The following HSF2BP variants were observed in gnomAD, a reference collection of about 807,000 sequenced individuals.
The protein encoded by HSF2BP is heat shock factor 2-binding protein.
Under a neutral mutation model 35.0 loss-of-function variants are expected in HSF2BP, and 35 were observed. The ratio of observed to expected loss-of-function variants is 1.00; its 90% confidence interval spans 0.76 to 1.32. The LOEUF (loss-of-function observed/expected upper bound fraction) is 1.32, where lower values mean the gene tolerates loss of function less well. Ranked by LOEUF, HSF2BP falls within the 40% of genes most tolerant of loss-of-function variation. The pLI is 0.00. For synonymous variants in HSF2BP, 114 were observed against 117.4 expected, an observed-to-expected ratio of 0.97 and a Z score of 0.18; for missense variants, 326 against 321.7, an observed-to-expected ratio of 1.01 and a Z score of -0.10.
intron 6 of HSF2BP, among the ~76,000 whole-genome samples, chr21:43,619,957 C>T (rs2082313169): frequency 6.6e-6 from 1 of 152,218 alleles, no homozygotes; most frequent in Non-Finnish European, 1.5e-5. Flanking sequence ...CTCTTTGTGA[C>T]CTCCCCCATT....
intron 7 of HSF2BP, among the ~76,000 whole-genome samples, chr21:43,610,435 CA>C (rs11382971): frequency 1.5e-3 from 217 of 140,418 alleles, no homozygotes; most frequent in South Asian, 1.8e-3. Context: ...CAAAAAATAC[CA>C]AAAAAAAAAA....
At chr21:43,641,404 T>A (rs1265028911) in intron 4 of HSF2BP, among the ~76,000 whole-genome samples, 1 of 152,026 alleles carries the variant, frequency 6.6e-6, no homozygotes, top group East Asian at 1.9e-4. Context: ...CCTCCTCACA[T>A]CATAAGCAGG....
At chr21:43,636,623 C>T (rs1010450408) in intron 4 of HSF2BP, among the ~76,000 whole-genome samples, 1 of 151,920 alleles carries the variant, frequency 6.6e-6, no homozygotes, top group African/African-American at 2.4e-5. Context: ...TAAATGTGTC[C>T]GGGCGCGATG....
In HSF2BP at chr21:43,630,342, G is replaced by A; in HGVS notation, c.554C>T (p.Ala185Val). 1 of 1,612,318 alleles carries A rather than the reference G, an allele frequency of 6.2e-7. No individual in the cohort carries two copies. Reference sequence around the variant, plus strand: ...CTTACTCGTGACAATTCCAGCCAGAGCGAAAACAAACTGACTTTCATCCGA... The same window carrying A: ...CTTACTCGTGACAATTCCAGCCAGAACGAAAACAAACTGACTTTCATCCGA... The part of the protein sequence containing the change: ...LDSDESQFVF[A>V]LAGIVTNVAA... The change falls in exon 6 of 9, where the codon GCT (alanine) becomes GTT (valine). Residue 185 changes from alanine to valine, a missense_variant. Ala to Val is a moderately conservative substitution (Grantham distance 64). Coordinates refer to ENST00000291560, the MANE Select transcript of HSF2BP (RefSeq NM_007031.2).
chr21:43,629,886 A>C (rs954528878), intron 6 of HSF2BP, among the ~76,000 whole-genome samples: 2 of 152,214 alleles, frequency 1.3e-5, no homozygotes, highest in African/African-American at 4.8e-5. Context: ...CTGTGGAAAA[A>C]ATGCTATCAA....
intron 3 of HSF2BP, among the ~76,000 whole-genome samples, chr21:43,646,733 T>C (rs1019459417): frequency 2.0e-5 from 3 of 152,188 alleles, no homozygotes; most frequent in Non-Finnish European, 4.4e-5. Flanking sequence ...CACTCTACGA[T>C]AGGCAATCTC....
intron 7 of HSF2BP, among the ~76,000 whole-genome samples, chr21:43,606,208 G>A (rs1170545853): frequency 1.3e-5 from 2 of 152,230 alleles, no homozygotes; most frequent in African/African-American, 4.8e-5. Context: ...GCTGAGAAAG[G>A]ACATAGAAGA....
At chr21:43,604,844 TCA>T (rs1462469167) in intron 7 of HSF2BP, among the ~76,000 whole-genome samples, 12 of 67,928 alleles carry the variant, frequency 1.8e-4, no homozygotes, top group African/African-American at 6.0e-4. Flanking sequence ...ACACCACACA[TCA>T]CACACACCAC....
intron 6 of HSF2BP, among the ~76,000 whole-genome samples, chr21:43,629,968 CTTATT>C (rs1453313517): frequency 6.6e-6 from 1 of 152,152 alleles, no homozygotes; most frequent in African/African-American, 2.4e-5. Flanking sequence ...TTCATTGTTC[CTTATT>C]TTAAGAAATT....
intron 7 of HSF2BP, among the ~76,000 whole-genome samples, chr21:43,605,872 ATCC>A (rs1198141139): frequency 1.4e-5 from 2 of 147,902 alleles, no homozygotes; most frequent in Non-Finnish European, 3.0e-5. Flanking sequence ...ACCCAAATAC[ATCC>A]TCATTTCCCC....
rs564547818 is a variant in HSF2BP at position 43,616,413 on chromosome 21, G to A, written c.575-2466C>T. Among the ~76,000 whole-genome samples, 95 of 152,298 alleles carry A rather than the reference G, an allele frequency of 6.2e-4. 1 individual carries two copies. Among genetic ancestry groups the A allele is most frequent in the African/African-American group, 2.1e-3 (87 of 41,554 alleles). On this transcript the variant is annotated intron_variant, in intron 6 of 8. Transcript: ENST00000291560. Reference sequence around the variant, plus strand: ...AATCCCAGCACTTTGGAAGGCCAAGGTGGGTGAATCACCTGAGGTCAGGAG... The same window carrying A: ...AATCCCAGCACTTTGGAAGGCCAAGATGGGTGAATCACCTGAGGTCAGGAG...
At chr21:43,579,410 C>T (rs1159714947) in intron 8 of HSF2BP, among the ~76,000 whole-genome samples, 1 of 152,192 alleles carries the variant, frequency 6.6e-6, no homozygotes, top group Admixed American at 6.5e-5. Flanking sequence ...TACTTTGATG[C>T]CACAGATGCC....
At chr21:43,625,043 C>G (rs971563277) in intron 6 of HSF2BP, among the ~76,000 whole-genome samples, 1 of 152,150 alleles carries the variant, frequency 6.6e-6, no homozygotes, top group African/African-American at 2.4e-5. Flanking sequence ...CTACACTAAC[C>G]TATCATTAAA....
At chr21:43,609,295 A>C (rs2082173413) in intron 7 of HSF2BP, among the ~76,000 whole-genome samples, 1 of 152,180 alleles carries the variant, frequency 6.6e-6, no homozygotes. Flanking sequence ...AGAGGGAGGG[A>C]GAGGAACAAG....
chr21:43,644,309 C>A lies in HSF2BP; in HGVS notation c.271G>T (p.Asp91Tyr). ...GGTACCTTCTTCTCTCTTATGTTGT[C>A]GGCCTGCACGGTTTCCAGGCGGGCT... ...FKARLETVQADNIREKKEKLA... is the reference protein window; with the variant it reads ...FKARLETVQAYNIREKKEKLA... The change falls in exon 4 of 9, where the codon GAC (aspartate) becomes TAC (tyrosine). Residue 91 changes from aspartate to tyrosine, a missense_variant. By Grantham distance (160) the Asp-to-Tyr change is radical. Coordinates refer to ENST00000291560, the MANE Select transcript of HSF2BP (RefSeq NM_007031.2). The A allele has an allele frequency of 6.2e-7, 1 of 1,613,868 alleles. No individual in the cohort carries two copies.
At chr21:43,595,648 A>C (rs185859857) in intron 7 of HSF2BP, among the ~76,000 whole-genome samples, 3 of 149,744 alleles carry the variant, frequency 2.0e-5, no homozygotes, top group Non-Finnish European at 3.0e-5. Flanking sequence ...ACAGAGCAAG[A>C]CCCTATCTCA....
intron 7 of HSF2BP, among the ~76,000 whole-genome samples, chr21:43,608,813 A>T (rs529948160): frequency 0.011 from 1,646 of 151,834 alleles, 16 homozygotes; most frequent in Non-Finnish European, 0.015. Flanking sequence ...AAAAAAAAAA[A>T]TTTTTTTTAA....
intron 7 of HSF2BP, among the ~76,000 whole-genome samples, chr21:43,601,333 C>T (rs748225133): frequency 5.3e-5 from 8 of 152,000 alleles, no homozygotes; most frequent in Admixed American, 1.3e-4. Context: ...TGAGAGGCAC[C>T]GAAAAGGCAT....
intron 6 of HSF2BP, among the ~76,000 whole-genome samples, chr21:43,626,904 G>C (rs561770274): frequency 7.4e-5 from 11 of 148,898 alleles, no homozygotes; most frequent in Admixed American, 7.4e-4. Context: ...GTCTTGCTCT[G>C]TCACCCAGGG....
Sources: gnomAD v4.1 joint callset for allele counts (sites outside exome capture counted in the v4.1 genomes callset) on GRCh38, gnomAD v4.1.1 for gene constraint, MANE v1.5 for transcripts, NCBI Gene and HGNC (gene_info 2026-07-23, HGNC 2026-07-21) for gene names.